TMCO6: variants seen among roughly 807,000 people sequenced by gnomAD.
TMCO6 encodes transmembrane and coiled-coil domain-containing protein 6.
TMCO6 carries 47 observed loss-of-function variants against 61.8 expected under a neutral mutation model. The observed-to-expected ratio is 0.76, with a 90% CI of 0.60 to 0.97. The LOEUF is 0.97. Among genes scored for constraint, TMCO6 ranks in the 50% least tolerant of loss-of-function variants. The pLI is 0.00. For missense variants in TMCO6, 557 were observed against 601.6 expected (o/e 0.93, Z 0.78); for synonymous variants, 261 against 254.2 (o/e 1.03, Z -0.25).
At chr5:140,604,965 T>TTCCAAAGCATTCCA in the TMCO6 span, among the ~76,000 whole-genome samples, 1 of 152,334 alleles carries the variant, frequency 6.6e-6, no homozygotes, top group African/African-American at 2.4e-5. Context: ...TTCCAATGCA[T>TTCCAAAGCATTCCA]AAACATTGAA....
At chr5:140,631,586 C>T in the TMCO6 span, 7 of 362,946 alleles carry the variant, frequency 1.9e-5, no homozygotes, top group East Asian at 2.5e-4. Flanking sequence ...CTTCTATCCC[C>T]GCAGTTCTTT....
intron 2 of TMCO6, among the ~76,000 whole-genome samples, chr5:140,640,534 T>C (rs932261470): frequency 6.6e-6 from 1 of 151,564 alleles, no homozygotes; most frequent in African/African-American, 2.4e-5. Context: ...GCCTCCCGAG[T>C]AGCAGGGATT....
chr5:140,627,706 T>C, the TMCO6 span, among the ~76,000 whole-genome samples: 1 of 149,532 alleles, frequency 6.7e-6, no homozygotes, highest in African/African-American at 2.5e-5. Flanking sequence ...CTTTTTCATT[T>C]GCCAGTTTTT....
At chr5:140,646,093 C>G (rs1757382328), downstream of TMCO6, among the ~76,000 whole-genome samples, 1 of 151,368 alleles carries the variant, frequency 6.6e-6, no homozygotes, top group Non-Finnish European at 1.5e-5. Flanking sequence ...TCACTGCAAC[C>G]TCCACCTCCT....
At chr5:140,631,138 T>C in the TMCO6 span, among the ~76,000 whole-genome samples, 1 of 152,234 alleles carries the variant, frequency 6.6e-6, no homozygotes, top group Non-Finnish European at 1.5e-5. Flanking sequence ...AGAGACCGAC[T>C]GTATCTTGCG....
At chr5:140,620,290 G>A in the TMCO6 span, among the ~76,000 whole-genome samples, 2 of 152,156 alleles carry the variant, frequency 1.3e-5, no homozygotes, top group Admixed American at 1.3e-4. Flanking sequence ...AATACATACT[G>A]TGTAATTCCA....
the TMCO6 span, chr5:140,631,994 G>A: frequency 1.2e-6 from 2 of 1,614,042 alleles, no homozygotes; most frequent in Non-Finnish European, 1.7e-6. Context: ...GGACCAGGAA[G>A]GGATTCCCGT....
In TMCO6 at chr5:140,639,493, G is replaced by A; in HGVS notation, c.-35G>A. 6.5e-7 allele frequency: 1 copy of A among 1,543,414 alleles called. No individual in the cohort carries two copies. Among genetic ancestry groups the A allele is most frequent in the Non-Finnish European group, 8.8e-7 (1 of 1,141,410 alleles). On this transcript the variant is annotated 5_prime_UTR_variant, in exon 1 of 12. Coordinates refer to ENST00000394671, the MANE Select transcript of TMCO6 (RefSeq NM_018502.5). ...CTACGCCCCTGGGAGCGTTGTGGCT[G>A]CTGTTTCCTTCGGCTTTCCTCCTCC...
the TMCO6 span, chr5:140,633,244 C>G: frequency 1.3e-6 from 1 of 759,610 alleles, no homozygotes; most frequent in African/African-American, 1.7e-5. Flanking sequence ...CTCTGTGAAC[C>G]CTGATCACCT....
rs1426225589 is a variant in TMCO6 at position 140,645,012 on chromosome 5, G to A, written c.1396G>A (p.Gly466Arg). 2 of 1,614,206 alleles carry A rather than the reference G, an allele frequency of 1.2e-6. No individual in the cohort carries two copies. The highest frequency in any genetic ancestry group is 1.1e-5 in the South Asian group (1 of 91,088). The change falls in exon 12 of 12, where the codon GGG (glycine) becomes AGG (arginine). Residue 466 changes from glycine (G) to arginine (R), a missense_variant. Physicochemically the swap from Gly to Arg is moderately radical, Grantham distance 125. Coordinates refer to ENST00000394671, the MANE Select transcript of TMCO6 (RefSeq NM_018502.5). ...EAVQVFLQQS[G>R]LQALERHQEE... ...TGTTCAGGTCTTCCTGCAGCAGTCA[G>A]GGCTGCAAGCCCTGGAAAGGCATCA...
chr5:140,597,215 G>A, the TMCO6 span, among the ~76,000 whole-genome samples: 2 of 152,206 alleles, frequency 1.3e-5, no homozygotes, highest in Admixed American at 1.3e-4. Flanking sequence ...GGAGAAGTCA[G>A]TGTGGGGTAG....
At chr5:140,640,045 C>G (rs916529571) in intron 2 of TMCO6, among the ~76,000 whole-genome samples, 194 bp downstream of exon 2, 3 of 152,210 alleles carry the variant, frequency 2.0e-5, no homozygotes, top group African/African-American at 4.8e-5. Flanking sequence ...ATCATCAAGT[C>G]CTAGTTGTTT....
the TMCO6 span, among the ~76,000 whole-genome samples, chr5:140,631,350 T>A: frequency 2.0e-3 from 297 of 151,924 alleles, 1 homozygote; most frequent in Non-Finnish European, 3.9e-3. Flanking sequence ...TGTGTGTGTG[T>A]GAGAGAGAGA....
intron 2 of TMCO6, among the ~76,000 whole-genome samples, chr5:140,640,247 C>G (rs1756932030): frequency 6.6e-6 from 1 of 152,146 alleles, no homozygotes; most frequent in South Asian, 2.1e-4. Context: ...ATGGTCTAGC[C>G]TCTTCCTAAC....
chr5:140,647,513 C>T, downstream of TMCO6: 3 of 1,612,730 alleles, frequency 1.9e-6, no homozygotes, highest in Non-Finnish European at 2.5e-6. Context: ...CGAGCGCTGA[C>T]ATAAGTGGAT....
At position 140,642,610 on chromosome 5, in the gene TMCO6, G is replaced by A; in HGVS notation, c.628G>A (p.Ala210Thr). The change falls in exon 6 of 12, where the codon GCT (alanine) becomes ACT (threonine). Residue 210 changes from alanine (A) to threonine (T), a missense_variant. Physicochemically the swap from Ala to Thr is moderately conservative, Grantham distance 58 (BLOSUM62 0). Coordinates refer to ENST00000394671, the MANE Select transcript of TMCO6 (RefSeq NM_018502.5). ...IQSPHVAVLEALGYALSQLLQ... is the reference protein window; with the variant it reads ...IQSPHVAVLETLGYALSQLLQ... ...GTCCCCCCATGTGGCTGTGCTGGAA[G>A]CTCTCGGATATGCCTTGTCCCAGCT... 5 of 1,614,250 alleles carry A rather than the reference G, an allele frequency of 3.1e-6. No individual in the cohort carries two copies. In the South Asian group the frequency reaches 5.5e-5, roughly 18 times the overall value.
chr5:140,643,049 G>T lies in TMCO6; in HGVS notation c.806+8G>T, dbSNP rs2149795156. 6.2e-7 allele frequency: 1 copy of T among 1,614,160 alleles called. No individual in the cohort carries two copies. Among genetic ancestry groups the T allele is most frequent in the East Asian group, 2.2e-5 (1 of 44,880 alleles). ...TCATTACATCATCTGCAGGTAACAG[G>T]GCAATTGGGAAAGTACCACAGATCT... On this transcript the variant is annotated splice_region_variant and intron_variant, in intron 7 of 11. Transcript: ENST00000394671.
At chr5:140,596,870 T>C in the TMCO6 span, among the ~76,000 whole-genome samples, 1 of 152,222 alleles carries the variant, frequency 6.6e-6, no homozygotes, top group African/African-American at 2.4e-5. Flanking sequence ...CCTAGGCTTC[T>C]GCTGTCCTTT....
Position 140,644,210 on chromosome 5 carries a change from A to G in TMCO6, c.1200+16A>G. The stretch of plus-strand genomic sequence containing the variant: ...GAGCGTAATGGTATGTATTGGGGTT[A>G]CTTGAATCCAAGATCTGGTAGTCGG... On this transcript the variant is annotated intron_variant, in intron 10 of 11. Transcript: ENST00000394671. 6.2e-7 allele frequency: 1 copy of G among 1,611,564 alleles called. No homozygotes were observed. The highest frequency in any genetic ancestry group is 8.5e-7 in the Non-Finnish European group (1 of 1,177,684).
Sources: gnomAD v4.1 joint callset for allele counts (sites outside exome capture counted in the v4.1 genomes callset) on GRCh38, gnomAD v4.1.1 for gene constraint, MANE v1.5 for transcripts, NCBI Gene and HGNC (gene_info 2026-07-23, HGNC 2026-07-21) for gene names.